Variants in TRIM71 observed in about 807,000 individuals in gnomAD.
TRIM71 encodes the protein tripartite motif containing 71.
In TRIM71, 9 loss-of-function variants were observed where a neutral mutation model predicts 61.2. That is an observed-to-expected ratio of 0.15 (90% CI 0.09 to 0.26). TRIM71 has a LOEUF of 0.26. TRIM71 is among the 10% of genes least tolerant of loss of function. The pLI is 1.00. For synonymous variants in TRIM71, 645 were observed against 553.2 expected (o/e 1.17, Z -2.33); for missense variants, 998 against 1,238.7 (o/e 0.81, Z 2.92).
chr3:32,829,218 C>G (rs1230478648), intron 1 of TRIM71, among the ~76,000 whole-genome samples: 3 of 112,852 alleles, frequency 2.7e-5, no homozygotes, highest in Non-Finnish European at 5.5e-5. Context: ...GAGTTTTGCT[C>G]TTGTTGCCCA....
chr3:32,868,822 G>A (rs1376112986), intron 1 of TRIM71, among the ~76,000 whole-genome samples: 1 of 152,106 alleles, frequency 6.6e-6, no homozygotes, highest in Non-Finnish European at 1.5e-5. Flanking sequence ...TAATGTGTCT[G>A]CAGCGGGGCT....
chr3:32,835,101 A>T (rs1192440221), intron 1 of TRIM71, among the ~76,000 whole-genome samples: 2 of 152,246 alleles, frequency 1.3e-5, no homozygotes, highest in African/African-American at 2.4e-5. Context: ...GTGCAAGATG[A>T]AATCATGAAG....
chr3:32,864,643 G>C (rs935144241), intron 1 of TRIM71, among the ~76,000 whole-genome samples: 2 of 152,206 alleles, frequency 1.3e-5, no homozygotes, highest in African/African-American at 4.8e-5. Flanking sequence ...ACACCCCAGT[G>C]CCCCCAGGGG....
In TRIM71 at chr3:32,818,024, T is replaced by C. The variant is rs1696075045; in HGVS notation, c.-57T>C. 5 of 1,272,882 alleles carry C rather than the reference T, an allele frequency of 3.9e-6. No individual in the cohort carries two copies. In the South Asian group the frequency reaches 6.8e-5, roughly 17 times the overall value. 78.8% of individuals were successfully genotyped at this position (1,272,882 alleles called of 1,614,324 possible). On this transcript the variant is annotated 5_prime_UTR_variant, in exon 1 of 4. Transcript: ENST00000383763. ...TCCCCCACCCACCTCGTCCGCTCTC[T>C]CCTCCTCCTCCTCCTCTTCCTCTCT...
At chr3:32,840,651 T>C (rs1231665414) in intron 1 of TRIM71, among the ~76,000 whole-genome samples, 1 of 152,286 alleles carries the variant, frequency 6.6e-6, no homozygotes, top group African/African-American at 2.4e-5. Flanking sequence ...TGCTTTCTTC[T>C]GTCCAGTTTT....
At chr3:32,870,968 A>ATTT (rs537452978) in intron 1 of TRIM71, among the ~76,000 whole-genome samples, 73 of 137,884 alleles carry the variant, frequency 5.3e-4, no homozygotes, top group African/African-American at 1.8e-3. Context: ...ACGCCCAGCA[A>ATTT]TTTTTTTTTT....
intron 3 of TRIM71, among the ~76,000 whole-genome samples, chr3:32,889,466 ATTTT>A (rs578106109): frequency 1.3e-5 from 2 of 149,622 alleles, no homozygotes; most frequent in East Asian, 3.9e-4. Context: ...TTTAACTTTT[ATTTT>A]TTTTAATTTA....
intron 1 of TRIM71, among the ~76,000 whole-genome samples, chr3:32,847,706 T>C (rs149073059): frequency 2.0e-5 from 3 of 152,312 alleles, no homozygotes; most frequent in Non-Finnish European, 2.9e-5. Context: ...GGCCTTTCCA[T>C]ATGTGACAAA....
rs1575341635 is a variant in TRIM71, at chr3:32,829,652, T to TGTGTTTG, written c.852+10720_852+10721insGTGTTTG. ...TGTGTGTGTGTGTGTGTGTGTGTGT[T>TGTGTTTG]TGTGTGTGCGTGTGTGTGCATTGGA... On this transcript the variant is annotated intron_variant, in intron 1 of 3. Coordinates refer to ENST00000383763, the MANE Select transcript of TRIM71 (RefSeq NM_001039111.3). Among the ~76,000 whole-genome samples the TGTGTTTG allele has an allele frequency of 2.1e-4, 17 of 81,806 alleles. No individual in the cohort carries two copies. The Admixed American group carries it at 2.5e-3, about 12-fold the overall frequency. The allele number at this position is 81,806 out of a possible 152,430, so 53.7% of individuals were successfully genotyped here.
intron 1 of TRIM71, among the ~76,000 whole-genome samples, chr3:32,871,815 G>A (rs938095481): frequency 3.9e-5 from 6 of 152,224 alleles, no homozygotes; most frequent in Admixed American, 2.0e-4. Flanking sequence ...AAATTAGTAG[G>A]AAAGTTACAA....
intron 1 of TRIM71, among the ~76,000 whole-genome samples, chr3:32,869,829 A>G (rs983488262): frequency 3.9e-5 from 6 of 152,184 alleles, no homozygotes; most frequent in African/African-American, 1.4e-4. Flanking sequence ...TTGCAGGGTC[A>G]GAGGTCAAGC....
Position 32,818,512 on chromosome 3 carries a change from C to A in TRIM71, c.432C>A (p.Gly144=). ...GCGCCGGCGCTCCGGCGGGAGCGGG[C>A]GGCCACAGCAACCACCGGCACCACG... ...NGRAGAPAGA[G]GHSNHRHHAH... The change falls in exon 1 of 4, where the codon GGC becomes GGA. Residue 144 remains glycine, a synonymous_variant. Coordinates refer to ENST00000383763, the MANE Select transcript of TRIM71 (RefSeq NM_001039111.3). 7.1e-7 allele frequency: 1 copy of A among 1,415,228 alleles called. No homozygotes were observed. The highest frequency in any genetic ancestry group is 1.4e-5 in the South Asian group (1 of 73,066). 87.7% of individuals were successfully genotyped at this position (1,415,228 alleles called of 1,614,324 possible). A position where few individuals can be genotyped will look rare whatever the true frequency, so the allele number is the denominator to read the frequency against.
intron 1 of TRIM71, among the ~76,000 whole-genome samples, chr3:32,847,190 A>ATTTTTTT (rs35654776): frequency 9.3e-6 from 1 of 107,142 alleles, no homozygotes; most frequent in Non-Finnish European, 1.8e-5. Context: ...AGGTCCAGCA[A>ATTTTTTT]TTTTTTTTTT....
At chr3:32,889,501 G>A (rs1696998296) in intron 3 of TRIM71, among the ~76,000 whole-genome samples, 2 of 150,712 alleles carry the variant, frequency 1.3e-5, no homozygotes, top group Admixed American at 1.3e-4. Flanking sequence ...AAAAGTTGCA[G>A]TAATAGTAAC....
At chr3:32,883,219 C>T (rs902445141) in intron 2 of TRIM71, among the ~76,000 whole-genome samples, 4 of 152,232 alleles carry the variant, frequency 2.6e-5, no homozygotes, top group South Asian at 2.1e-4. Flanking sequence ...TATGCATGCT[C>T]ATTTGCTTGG....
chr3:32,827,817 A>T (rs942085647), intron 1 of TRIM71, among the ~76,000 whole-genome samples: 1 of 152,138 alleles, frequency 6.6e-6, no homozygotes, highest in African/African-American at 2.4e-5. Context: ...CTTTGTAAAC[A>T]TCTGTTGGCT....
At chr3:32,846,008 A>G (rs991803565) in intron 1 of TRIM71, among the ~76,000 whole-genome samples, 1 of 149,018 alleles carries the variant, frequency 6.7e-6, no homozygotes, top group Non-Finnish European at 1.5e-5. Flanking sequence ...GTTGGAGACT[A>G]TGGCTCACTA....
chr3:32,892,731 G>C lies in TRIM71; in HGVS notation c.*920G>C, dbSNP rs1697040558. 1 of 152,158 alleles carries C rather than the reference G, an allele frequency of 6.6e-6. No homozygotes were observed. The highest frequency in any genetic ancestry group is 2.4e-5 in the African/African-American group (1 of 41,432). 9.4% of individuals were successfully genotyped at this position (152,158 alleles called of 1,614,324 possible). A position where few individuals can be genotyped will look rare whatever the true frequency, so the allele number is the denominator to read the frequency against. On this transcript the variant is annotated 3_prime_UTR_variant, in exon 4 of 4. Transcript: ENST00000383763. ...TTTTTGATTAAACATATTCTCAAAA[G>C]TTATGCTTTCTTATTTTGCTGTTAG...
At chr3:32,887,351 AAGC>A (rs1467433206) in intron 3 of TRIM71, among the ~76,000 whole-genome samples, 6 of 152,154 alleles carry the variant, frequency 3.9e-5, no homozygotes, top group African/African-American at 1.4e-4. Context: ...TCATTGTAGT[AAGC>A]AGTTTCTGCT....
Sources: allele counts gnomAD v4.1 joint callset (sites outside exome capture counted in the v4.1 genomes callset), GRCh38; gene constraint gnomAD v4.1.1; transcripts MANE v1.5; gene names NCBI Gene and HGNC (gene_info 2026-07-23, HGNC 2026-07-21).